CACNA2D3: variants seen among roughly 807,000 people sequenced by gnomAD.
CACNA2D3 encodes voltage-dependent calcium channel subunit alpha-2/delta-3.
Under a neutral mutation model 160.6 loss-of-function variants are expected in CACNA2D3, and 60 were observed. The ratio of observed to expected loss-of-function variants is 0.37; its 90% CI spans 0.30 to 0.46. CACNA2D3 has a LOEUF of 0.46. CACNA2D3 is among the 20% of genes least tolerant of loss of function. The probability of loss-of-function intolerance (pLI) is 1.00; values close to 1 mark genes in which losing one functional copy is unlikely to be tolerated. For synonymous variants in CACNA2D3, 558 were observed against 492.9 expected (o/e 1.13, Z -1.75); for missense variants, 1,205 against 1,365.0 (o/e 0.88, Z 1.85).
intron 2 of CACNA2D3, among the ~76,000 whole-genome samples, chr3:54,317,186 A>G (rs796376854): frequency 6.6e-5 from 10 of 152,314 alleles, no homozygotes; most frequent in African/African-American, 2.2e-4. Flanking sequence ...GAACTTAGGA[A>G]TAGTCTCAGT....
At chr3:55,016,414 A>G (rs1703328119) in intron 34 of CACNA2D3, among the ~76,000 whole-genome samples, 1 of 152,220 alleles carries the variant, frequency 6.6e-6, no homozygotes. Context: ...GAGGACACTA[A>G]GATGTAAAAT....
chr3:54,760,321 A>T (rs1409986113), intron 12 of CACNA2D3, among the ~76,000 whole-genome samples: 1 of 152,104 alleles, frequency 6.6e-6, no homozygotes, highest in East Asian at 1.9e-4. Flanking sequence ...AGAGGGCAGC[A>T]AGTGCACAGG....
At chr3:54,800,309 C>T (rs1203356778) in intron 13 of CACNA2D3, among the ~76,000 whole-genome samples, 2 of 152,170 alleles carry the variant, frequency 1.3e-5, no homozygotes, top group African/African-American at 4.8e-5. Flanking sequence ...CAAATGCATC[C>T]TTATTGTAGT....
intron 11 of CACNA2D3, among the ~76,000 whole-genome samples, chr3:54,718,244 A>T (rs1326087909): frequency 1.3e-5 from 2 of 152,190 alleles, no homozygotes; most frequent in Non-Finnish European, 1.5e-5. Context: ...ATTTTGGTAA[A>T]GTTCAGTGTA....
intron 4 of CACNA2D3, among the ~76,000 whole-genome samples, chr3:54,391,236 T>C (rs779891918): frequency 8.5e-5 from 13 of 152,230 alleles, no homozygotes; most frequent in Non-Finnish European, 1.9e-4. Flanking sequence ...TCCTTTATTA[T>C]TACAATTTTA....
At chr3:54,337,321 C>G (rs568475823) in intron 3 of CACNA2D3, among the ~76,000 whole-genome samples, 2 of 152,266 alleles carry the variant, frequency 1.3e-5, no homozygotes, top group South Asian at 2.1e-4. Flanking sequence ...TTATTACCTC[C>G]TTTTGACAGA....
chr3:54,768,447 C>T (rs1407542460), intron 13 of CACNA2D3, among the ~76,000 whole-genome samples: 3 of 152,208 alleles, frequency 2.0e-5, no homozygotes, highest in East Asian at 3.9e-4. Flanking sequence ...GCACTTAAAT[C>T]GGTTGTTGTA....
rs779625204 is a variant in CACNA2D3 at position 54,879,075 on chromosome 3, A to G, written c.1768A>G (p.Thr590Ala). 16 of 1,602,628 alleles carry G rather than the reference A, an allele frequency of 1.0e-5. No individual in the cohort carries two copies. The highest frequency in any genetic ancestry group is 1.3e-5 in the African/African-American group (1 of 74,478). Residue 590 changes from threonine (T) to alanine (A), a missense_variant, in exon 19 of 38, where the codon ACA (threonine) becomes GCA (alanine). Physicochemically the swap from Thr to Ala is moderately conservative, Grantham distance 58 (BLOSUM62 0). Around this residue, in one of 3 missense-constraint regions of CACNA2D3, gnomAD observed 911 missense variants for 1,002.2 expected, o/e 0.91. Transcript: ENST00000474759. The stretch of plus-strand genomic sequence containing the variant: ...GAAGTTTTCCATGGAGGTGAAGAAG[A>G]CAGTGGACAAAGGGGTACATTTTTC... ...TGKFSMEVKK[T>A]VDKGKRVLVM...
At chr3:54,960,117 G>T (rs1701996243) in intron 27 of CACNA2D3, among the ~76,000 whole-genome samples, 1 of 151,364 alleles carries the variant, frequency 6.6e-6, no homozygotes, top group Admixed American at 6.6e-5. Context: ...AAAGAAATGT[G>T]TGGCCAAATG....
chr3:54,406,892 C>G (rs755641594), intron 4 of CACNA2D3, among the ~76,000 whole-genome samples: 2 of 151,740 alleles, frequency 1.3e-5, no homozygotes, highest in Non-Finnish European at 2.9e-5. Context: ...CTGTAGTCAC[C>G]ATTTTACTGT....
intron 2 of CACNA2D3, among the ~76,000 whole-genome samples, chr3:54,308,444 G>T (rs1283147280): frequency 2.0e-5 from 3 of 152,268 alleles, no homozygotes; most frequent in African/African-American, 4.8e-5. Flanking sequence ...CCAATCGGCT[G>T]GCTGAATGTG....
chr3:54,743,793 G>A (rs188894360), intron 11 of CACNA2D3, among the ~76,000 whole-genome samples: 5 of 152,286 alleles, frequency 3.3e-5, no homozygotes, highest in Admixed American at 6.5e-5. Flanking sequence ...GAAGCAGGAC[G>A]GGGCTTCTGA....
chr3:54,479,411 C>G (rs933763625), intron 4 of CACNA2D3, among the ~76,000 whole-genome samples: 2 of 152,144 alleles, frequency 1.3e-5, no homozygotes, highest in African/African-American at 4.8e-5. Context: ...TGGGACATAT[C>G]CCCTGAGAAT....
In CACNA2D3 at chr3:54,741,112, G is replaced by C. The variant is rs543157622; in HGVS notation, c.1168-11487G>C. Among the ~76,000 whole-genome samples the C allele has an allele frequency of 3.2e-4, 49 of 152,258 alleles. No individual in the cohort carries two copies. The South Asian group carries it at 1.0e-2, about 31-fold the overall frequency. On this transcript the variant is annotated intron_variant, in intron 11 of 37. Transcript: ENST00000474759. Reference sequence around the variant, plus strand: ...TGGGGTCTCACTGATCCAGAGGCAGGGGGAGGCAAAGGGAGACAAACTCAT... The same window carrying C: ...TGGGGTCTCACTGATCCAGAGGCAGCGGGAGGCAAAGGGAGACAAACTCAT...
At chr3:54,138,750 C>G (rs1215398631) in intron 2 of CACNA2D3, among the ~76,000 whole-genome samples, 1 of 152,106 alleles carries the variant, frequency 6.6e-6, no homozygotes, top group Non-Finnish European at 1.5e-5. Flanking sequence ...GAAGTAGAGC[C>G]CAAGATCACG....
intron 27 of CACNA2D3, among the ~76,000 whole-genome samples, chr3:54,930,094 T>G (rs1701146593): frequency 6.6e-6 from 1 of 152,176 alleles, no homozygotes; most frequent in Non-Finnish European, 1.5e-5. Flanking sequence ...AGACAATACA[T>G]AAATCAATGG....
At chr3:54,647,809 A>AT (rs1174796015) in intron 11 of CACNA2D3, among the ~76,000 whole-genome samples, 1 of 152,238 alleles carries the variant, frequency 6.6e-6, no homozygotes, top group Non-Finnish European at 1.5e-5. Flanking sequence ...ATGATTGCTT[A>AT]TGCAATGTGT....
At chr3:54,595,326 GTGTGT>G (rs1389135836) in intron 9 of CACNA2D3, among the ~76,000 whole-genome samples, 10 of 151,300 alleles carry the variant, frequency 6.6e-5, no homozygotes, top group Non-Finnish European at 1.0e-4. Flanking sequence ...GTGTGTGTGT[GTGTGT>G]GTGTGTGTGT....
intron 4 of CACNA2D3, among the ~76,000 whole-genome samples, chr3:54,389,076 G>A (rs919365746): frequency 6.6e-6 from 1 of 152,078 alleles, no homozygotes; most frequent in Non-Finnish European, 1.5e-5. Flanking sequence ...AGGCCAAGGC[G>A]GGTGTATCAG....
Sources: gnomAD v4.1 joint callset for allele counts (sites outside exome capture counted in the v4.1 genomes callset) on GRCh38, gnomAD v4.1.1 for gene constraint, gnomAD v4.1.1 regional missense constraint, MANE v1.5 for transcripts, NCBI Gene and HGNC (gene_info 2026-07-23, HGNC 2026-07-21) for gene names.